Variants in DOCK9 observed in about 807,000 individuals in gnomAD.
DOCK9 encodes the protein dedicator of cytokinesis protein 9.
In DOCK9, 89 loss-of-function variants were observed where a neutral mutation model predicts 263.3. The observed-to-expected ratio is 0.34, with a 90% CI of 0.28 to 0.40. DOCK9 has a LOEUF of 0.40. Among genes scored for constraint, DOCK9 ranks in the 10% least tolerant of loss-of-function variants. The probability of loss-of-function intolerance (pLI) is 1.00; values close to 1 mark genes in which losing one functional copy is unlikely to be tolerated. For synonymous variants in DOCK9, 976 were observed against 973.1 expected (o/e 1.00, Z -0.06); for missense variants, 2,140 against 2,603.4 (o/e 0.82, Z 3.87).
At chr13:98,928,784 G>C (rs2053454056) in intron 3 of DOCK9, among the ~76,000 whole-genome samples, 1 of 152,138 alleles carries the variant, frequency 6.6e-6, no homozygotes, top group Non-Finnish European at 1.5e-5. Context: ...GATTTTGCTT[G>C]CAGGTCATAG....
chr13:98,878,866 GC>G (rs1017874197), intron 27 of DOCK9, among the ~76,000 whole-genome samples: 20 of 152,182 alleles, frequency 1.3e-4, no homozygotes, highest in Admixed American at 6.5e-5. Context: ...TCCTCGGAGA[GC>G]CCAGATCCCT....
At chr13:98,870,610 T>C (rs963469401) in intron 27 of DOCK9, among the ~76,000 whole-genome samples, 1 of 152,122 alleles carries the variant, frequency 6.6e-6, no homozygotes, top group African/African-American at 2.4e-5. Context: ...CATGGACAGG[T>C]TGAGTGGGCA....
rs368710508 is a variant in DOCK9, at chr13:98,845,104, A to C, written c.4198+820T>G. 3.1e-4 allele frequency among the ~76,000 whole-genome samples: 47 copies of C among 152,190 alleles called. No homozygotes were observed. The East Asian group carries it at 6.2e-3, about 20-fold the overall frequency. ...TCTTTCAGGTGTTCTGCTTTGAGAA[A>C]CCCTTAAGAAGATAAAGCACTTAAA... On this transcript the variant is annotated intron_variant, in intron 38 of 52. Transcript: ENST00000682017.
chr13:98,816,329 G>A (rs188618147), intron 45 of DOCK9, among the ~76,000 whole-genome samples: 1 of 152,162 alleles, frequency 6.6e-6, no homozygotes, highest in Admixed American at 6.5e-5. Flanking sequence ...CAGAAGAGAC[G>A]TGATATACAT....
intron 15 of DOCK9, 122 bp downstream of exon 15, chr13:98,897,366 C>T (rs561413075): frequency 1.2e-4 from 141 of 1,216,340 alleles, no homozygotes; most frequent in Non-Finnish European, 1.4e-4. Context: ...AAATGCTTCA[C>T]GCTCATTTGC....
At position 98,955,568 on chromosome 13, in the gene DOCK9, T is replaced by C. The variant is rs1481494966; in HGVS notation, c.127-17A>G. The stretch of plus-strand genomic sequence containing the variant: ...TGGCTTTGCCTGGAGGGCGAAAAGA[T>C]AAGCAAGACATTCTCATACACAAAT... On this transcript the variant is annotated splice_polypyrimidine_tract_variant and intron_variant, in intron 1 of 52. Transcript: ENST00000682017. 7.9e-6 allele frequency: 12 copies of C among 1,525,548 alleles called. No homozygotes were observed. The highest frequency in any genetic ancestry group is 1.7e-4 in the Middle Eastern group (1 of 5,930). 94.5% of individuals were successfully genotyped at this position (1,525,548 alleles called of 1,614,324 possible).
intron 2 of DOCK9, among the ~76,000 whole-genome samples, chr13:98,931,124 G>C (rs1285344986): frequency 6.6e-6 from 1 of 152,156 alleles, no homozygotes; most frequent in Non-Finnish European, 1.5e-5. Context: ...ATTGCTAAAT[G>C]AATCTATGAA....
chr13:98,863,251 C>T (rs2093927668), intron 31 of DOCK9, 119 bp from the exon 32 acceptor site: 1 of 1,513,336 alleles, frequency 6.6e-7, no homozygotes, highest in Non-Finnish European at 9.0e-7. Flanking sequence ...GATTTTAGTC[C>T]CAAAATAGAG....
At chr13:98,997,599 G>C (rs1289921301) in intron 1 of DOCK9, among the ~76,000 whole-genome samples, 1 of 152,146 alleles carries the variant, frequency 6.6e-6, no homozygotes, top group Non-Finnish European at 1.5e-5. Context: ...ATCCTTTGTT[G>C]GTCTCTCAAC....
chr13:98,878,028 A>T (rs1426104441), intron 27 of DOCK9, among the ~76,000 whole-genome samples: 1 of 152,178 alleles, frequency 6.6e-6, no homozygotes, highest in Non-Finnish European at 1.5e-5. Flanking sequence ...CCAAGGTTTT[A>T]AAAGAGCTGA....
chr13:99,036,392 G>A (rs946341081), intron 1 of DOCK9, among the ~76,000 whole-genome samples: 5 of 152,180 alleles, frequency 3.3e-5, no homozygotes, highest in Non-Finnish European at 7.3e-5. Context: ...TGTCTGCTAT[G>A]TGAGAATACA....
chr13:98,959,002 T>C (rs2058363322), intron 1 of DOCK9, among the ~76,000 whole-genome samples: 2 of 152,230 alleles, frequency 1.3e-5, no homozygotes, highest in Non-Finnish European at 2.9e-5. Flanking sequence ...GGCTACTGTC[T>C]TCCTTTTGTG....
In DOCK9 at chr13:98,915,520, A is replaced by G; in HGVS notation, c.718-17T>C. ...TTTGTTGTTCTGAAATGAAAAAAGG[A>G]TAAACAGACATACTTTAAAAGAATT... is the stretch of plus-strand genomic sequence containing the variant. On this transcript the variant is annotated splice_polypyrimidine_tract_variant and intron_variant, in intron 7 of 52. Coordinates refer to ENST00000682017, the MANE Select transcript of DOCK9 (RefSeq NM_001366683.2). 3.7e-6 allele frequency: 6 copies of G among 1,600,748 alleles called. No homozygotes were observed. The highest frequency in any genetic ancestry group is 1.7e-5 in the Admixed American group (1 of 57,186).
chr13:99,063,562 T>C (rs1007389202), intron 1 of DOCK9, among the ~76,000 whole-genome samples: 2 of 152,172 alleles, frequency 1.3e-5, no homozygotes, highest in African/African-American at 4.8e-5. Flanking sequence ...AACCAACCAC[T>C]TCAACTGGAA....
In DOCK9 at chr13:98,853,485, C is replaced by T. The variant is rs1334909665; in HGVS notation, c.3869G>A (p.Arg1290His). 8.7e-6 allele frequency: 14 copies of T among 1,613,488 alleles called. No homozygotes were observed. The highest frequency in any genetic ancestry group is 2.7e-5 in the African/African-American group (2 of 74,876). The change falls in exon 35 of 53, where the codon CGC (arginine) becomes CAC (histidine). Residue 1290 changes from arginine to histidine, a missense_variant. Arg to His is a conservative substitution (Grantham distance 29). Transcript: ENST00000682017. The stretch of plus-strand genomic sequence containing the variant: ...CTCAGACTGGTCAAGTTTATCACAG[C>T]GAACCACGGAATTTCCCAATGTGCT... The part of the protein sequence containing the change: ...QSSTLGNSVV[R>H]CDKLDQSEIK...
intron 2 of DOCK9, among the ~76,000 whole-genome samples, 186 bp downstream of exon 2, chr13:98,955,249 C>T (rs1216171912): frequency 2.0e-5 from 3 of 152,026 alleles, no homozygotes; most frequent in African/African-American, 4.8e-5. Flanking sequence ...ACCCAGGAGG[C>T]GGAGGTTGCC....
At chr13:98,846,719 T>C (rs2093404390) in intron 37 of DOCK9, 1 of 422,182 alleles carries the variant, frequency 2.4e-6, no homozygotes, top group Admixed American at 2.9e-5. Flanking sequence ...CACTGTGTTA[T>C]TGTGTGTAGG....
chr13:99,044,324 C>G (rs1274671500), intron 1 of DOCK9, among the ~76,000 whole-genome samples: 1 of 152,224 alleles, frequency 6.6e-6, no homozygotes, highest in Non-Finnish European at 1.5e-5. Context: ...GGGTCTTATT[C>G]ATGTTTGTTC....
At chr13:98,870,665 C>T (rs1430492052) in intron 27 of DOCK9, among the ~76,000 whole-genome samples, 1 of 152,132 alleles carries the variant, frequency 6.6e-6, no homozygotes, top group Non-Finnish European at 1.5e-5. Context: ...AAAAGTAGAA[C>T]AGCTGGGTAT....
Sources: allele counts gnomAD v4.1 joint callset (sites outside exome capture counted in the v4.1 genomes callset), GRCh38; gene constraint gnomAD v4.1.1; transcripts MANE v1.5; gene names NCBI Gene and HGNC (gene_info 2026-07-23, HGNC 2026-07-21).